The following CTNNA2 variants were observed in gnomAD, a reference collection of about 807,000 sequenced individuals.
CTNNA2 encodes catenin alpha-2.
Under a neutral mutation model 101.0 loss-of-function variants are expected in CTNNA2, and 42 were observed. The ratio of observed to expected loss-of-function variants is 0.42; its 90% CI spans 0.32 to 0.54. The LOEUF (loss-of-function observed/expected upper bound fraction) is 0.54, where lower values mean the gene tolerates loss of function less well. Among genes scored for constraint, CTNNA2 ranks in the 20% least tolerant of loss-of-function variants. CTNNA2 has a pLI of 0.14. For synonymous variants in CTNNA2, 450 were observed against 456.4 expected, an observed-to-expected ratio of 0.99 and a Z score of 0.18; for missense variants, 871 against 1,223.1, an observed-to-expected ratio of 0.71 and a Z score of 4.29.
intron 7 of CTNNA2, among the ~76,000 whole-genome samples, chr2:80,126,117 G>A (rs181355044): frequency 7.9e-5 from 12 of 152,082 alleles, no homozygotes; most frequent in African/African-American, 2.9e-4. Context: ...TTCTGCTCCT[G>A]CTTCTTTGCC....
intron 7 of CTNNA2, among the ~76,000 whole-genome samples, chr2:80,267,866 A>G (rs1469574938): frequency 2.6e-5 from 4 of 152,312 alleles, no homozygotes; most frequent in East Asian, 3.9e-4. Flanking sequence ...GACTGTTCCT[A>G]TGTTTCCTTT....
chr2:79,379,678 G>T lies in CTNNA2; in HGVS notation c.-135+5665G>T, dbSNP rs545468401. 2.6e-5 allele frequency among the ~76,000 whole-genome samples: 4 copies of T among 152,324 alleles called. No homozygotes were observed. The East Asian group carries it at 7.7e-4, about 29-fold the overall frequency. The stretch of plus-strand genomic sequence containing the variant: ...ATTTACTTGAGCTAAACACCTTGAA[G>T]TAGTATGAATGAGTCACACAAATAC... On this transcript the variant is annotated intron_variant, in intron 4 of 21. Transcript: ENST00000466387.
chr2:79,971,363 G>A (rs1184089518), intron 7 of CTNNA2, among the ~76,000 whole-genome samples: 3 of 151,838 alleles, frequency 2.0e-5, no homozygotes, highest in Non-Finnish European at 4.4e-5. Context: ...TTTATTAATA[G>A]TTTCATATAT....
chr2:80,347,306 A>AT (rs1559030636), intron 7 of CTNNA2, among the ~76,000 whole-genome samples: 48 of 152,274 alleles, frequency 3.2e-4, no homozygotes, highest in African/African-American at 1.0e-3. Context: ...CTGTAAAACC[A>AT]ATTTTTGTGG....
chr2:80,304,050 C>A (rs1026652729), intron 7 of CTNNA2: 2 of 436,224 alleles, frequency 4.6e-6, no homozygotes, highest in Admixed American at 4.1e-5. Flanking sequence ...ACGGAAAGAT[C>A]AAAGAGATGG....
intron 1 of CTNNA2, among the ~76,000 whole-genome samples, chr2:79,546,226 G>A (rs992789400): frequency 7.9e-5 from 12 of 152,098 alleles, no homozygotes; most frequent in Non-Finnish European, 1.8e-4. Context: ...CACTCAGATG[G>A]CATCTTCCCC....
At chr2:79,275,803 A>G (rs1189415160) in intron 2 of CTNNA2, among the ~76,000 whole-genome samples, 1 of 152,086 alleles carries the variant, frequency 6.6e-6, no homozygotes. Flanking sequence ...TTAGTCCAGC[A>G]GTAAACAAAT....
intron 7 of CTNNA2, among the ~76,000 whole-genome samples, chr2:80,097,763 C>G (rs865855930): frequency 1.1e-4 from 16 of 152,182 alleles, no homozygotes; most frequent in African/African-American, 3.6e-4. Context: ...ATTTCGTCTT[C>G]CATCGCTGAT....
At position 80,232,362 on chromosome 2, in the gene CTNNA2, T is replaced by G. The variant is rs865960450; in HGVS notation, c.1057-160849T>G. On this transcript the variant is annotated intron_variant, in intron 7 of 18. Coordinates refer to ENST00000402739, the MANE Select transcript of CTNNA2 (RefSeq NM_001282597.3). Reference sequence around the variant, plus strand: ...GTTTGTTTGTTTTTTTTTTTTTTTTTTTTTTTTTTTTTTTTTTTTTTTTTT... The same window carrying G: ...GTTTGTTTGTTTTTTTTTTTTTTTTGTTTTTTTTTTTTTTTTTTTTTTTTT... Among the ~76,000 whole-genome samples, 336 of 55,140 alleles carry G rather than the reference T, an allele frequency of 6.1e-3. 7 individuals are homozygous for G. Among genetic ancestry groups the G allele is most frequent in the African/African-American group, 0.012 (313 of 26,114 alleles). The allele number at this position is 55,140 out of a possible 152,430, so 36.2% of individuals were successfully genotyped here. A position where few individuals can be genotyped will look rare whatever the true frequency, so the allele number is the denominator to read the frequency against.
At chr2:79,536,686 T>TTTTTCTTTTCTTTTC (rs70940037) in intron 1 of CTNNA2, among the ~76,000 whole-genome samples, 14,405 of 139,876 alleles carry the variant, frequency 0.1, 917 homozygotes, top group Non-Finnish European at 0.13. Context: ...ATGGATTTTT[T>TTTTTCTTTTCTTTTC]TTTTCTTTTC....
chr2:80,596,487 T>C (rs1696994514), intron 15 of CTNNA2, among the ~76,000 whole-genome samples: 1 of 151,126 alleles, frequency 6.6e-6, no homozygotes, highest in African/African-American at 2.4e-5. Context: ...TTTTTTTGTG[T>C]GTTTTTAGTA....
At chr2:79,545,381 G>A (rs2104013458) in intron 1 of CTNNA2, among the ~76,000 whole-genome samples, 1 of 152,260 alleles carries the variant, frequency 6.6e-6, no homozygotes, top group South Asian at 2.1e-4. Flanking sequence ...CATTGAGGAT[G>A]CCACAGTAAT....
At chr2:79,305,510 A>G (rs188107345) in intron 2 of CTNNA2, among the ~76,000 whole-genome samples, 2 of 149,832 alleles carry the variant, frequency 1.3e-5, no homozygotes, top group East Asian at 2.0e-4. Context: ...ATGTTTTATT[A>G]TATTCTACAC....
At chr2:79,777,716 G>A (rs1674086525) in intron 3 of CTNNA2, among the ~76,000 whole-genome samples, 1 of 152,036 alleles carries the variant, frequency 6.6e-6, no homozygotes, top group South Asian at 2.1e-4. Flanking sequence ...TCAATTCTAG[G>A]ATGGCAGAAT....
chr2:80,598,188 C>T (rs1697152201), intron 15 of CTNNA2, among the ~76,000 whole-genome samples: 1 of 152,036 alleles, frequency 6.6e-6, no homozygotes, highest in Non-Finnish European at 1.5e-5. Context: ...CCATCATTCT[C>T]AGCAAACTAA....
chr2:80,375,009 C>A (rs185063939), intron 7 of CTNNA2, among the ~76,000 whole-genome samples: 68 of 152,088 alleles, frequency 4.5e-4, no homozygotes, highest in African/African-American at 1.6e-3. Flanking sequence ...CTCCTTCAGC[C>A]CAGATGATGT....
At chr2:79,747,651 G>A (rs918455589) in intron 3 of CTNNA2, among the ~76,000 whole-genome samples, 3 of 152,128 alleles carry the variant, frequency 2.0e-5, no homozygotes, top group African/African-American at 7.2e-5. Context: ...AAGCTTACAT[G>A]AAATTGTGTT....
Position 80,303,565 on chromosome 2 carries a change from G to A in CTNNA2, c.1057-89646G>A, listed in dbSNP as rs764453069. On this transcript the variant is annotated intron_variant, in intron 7 of 18. Transcript: ENST00000402739. This position sits in a 1 kb window ranked among gnomAD's most constrained non-coding sequence, Gnocchi z 7.7. ...GCCACGTGAGCTGCATTAACCCCGT[G>A]AACTGGCCGGCGCGCAGCTCCGAGA... 6 of 1,614,128 alleles carry A rather than the reference G, an allele frequency of 3.7e-6. No homozygotes were observed. The highest frequency in any genetic ancestry group is 1.7e-5 in the Admixed American group (1 of 60,014).
At chr2:80,185,781 G>A (rs1035581350) in intron 7 of CTNNA2, among the ~76,000 whole-genome samples, 9 of 152,154 alleles carry the variant, frequency 5.9e-5, no homozygotes, top group African/African-American at 2.2e-4. Context: ...AATATGAGAG[G>A]TGCATTGCCA....
Sources: gnomAD v4.1 joint callset for allele counts (sites outside exome capture counted in the v4.1 genomes callset) on GRCh38, gnomAD v4.1.1 for gene constraint, Gnocchi (gnomAD v3.1) non-coding constraint, MANE v1.5 for transcripts, NCBI Gene and HGNC (gene_info 2026-07-23, HGNC 2026-07-21) for gene names.